Variants in OR51B5 observed in about 807,000 individuals in gnomAD.
OR51B5 encodes the protein olfactory receptor 51B5.
For synonymous variants in OR51B5, 186 were observed against 144.8 expected (o/e 1.28, Z -2.04); for missense variants, 456 against 374.6 (o/e 1.22, Z -1.79).
chr11:5,409,508 TAA>T lies in OR51B5; in HGVS notation n.85-62600_85-62599del, dbSNP rs5789399. Among the ~76,000 whole-genome samples the T allele has an allele frequency of 3.3e-5, 5 of 151,840 alleles. No homozygotes were observed. In the South Asian group the frequency reaches 1.0e-3, roughly 32 times the overall value. On this transcript the variant is annotated intron_variant and non_coding_transcript_variant, in intron 1 of 4. Coordinates refer to the OR51B5 transcript ENST00000415970. The stretch of plus-strand genomic sequence containing the variant: ...AATAATTCAATGCAAATTCTAGAAC[TAA>T]AAAAAAATCTATCAAAATAAATGCA...
chr11:5,443,040 G>A (rs890401052), intron 1 of OR51B5, among the ~76,000 whole-genome samples: 1 of 151,738 alleles, frequency 6.6e-6, no homozygotes, highest in Non-Finnish European at 1.5e-5. Context: ...CTAACTTCAG[G>A]CAAAATAAAC....
At chr11:5,373,823 C>G (rs978302431) in intron 1 of OR51B5, among the ~76,000 whole-genome samples, 3 of 152,198 alleles carry the variant, frequency 2.0e-5, no homozygotes, top group African/African-American at 7.2e-5. Flanking sequence ...ACAAAGCAGC[C>G]AGGAAGCTCA....
intron 1 of OR51B5, chr11:5,440,655 G>T: frequency 6.2e-7 from 1 of 1,613,860 alleles, no homozygotes; most frequent in East Asian, 2.2e-5. Flanking sequence ...GTTGAGCATG[G>T]GTGGTACAAA....
At chr11:5,453,894 CT>C in intron 1 of OR51B5, 2 of 1,614,228 alleles carry the variant, frequency 1.2e-6, no homozygotes. Context: ...TGCAACTGTG[CT>C]CACCACTGAA....
At chr11:5,493,214 T>C (rs1000788707) in intron 1 of OR51B5, among the ~76,000 whole-genome samples, 2 of 152,160 alleles carry the variant, frequency 1.3e-5, no homozygotes, top group Non-Finnish European at 2.9e-5. Flanking sequence ...ATATGTATAA[T>C]TAGTCCACCC....
At chr11:5,377,948 T>C (rs1352903518) in intron 1 of OR51B5, among the ~76,000 whole-genome samples, 1 of 152,100 alleles carries the variant, frequency 6.6e-6, no homozygotes, top group Admixed American at 6.5e-5. Context: ...CTTCACAGAA[T>C]TGGAAAAACG....
chr11:5,424,356 AAAAC>A lies in OR51B5; in HGVS notation n.85-77450_85-77447del, dbSNP rs575954424. ...AAGGGAAAACAAAACAAACAAACAA[AAAAC>A]AAACAAACAAACAAAAAAACACCTT... On this transcript the variant is annotated intron_variant and non_coding_transcript_variant, in intron 1 of 4. Transcript: ENST00000415970. Among the ~76,000 whole-genome samples the A allele has an allele frequency of 3.3e-3, 495 of 150,966 alleles. 4 individuals carry two copies. The highest frequency in any genetic ancestry group is 0.016 in the South Asian group (73 of 4,684).
chr11:5,423,318 C>T, intron 1 of OR51B5: 1 of 751,062 alleles, frequency 1.3e-6, no homozygotes, highest in Admixed American at 3.1e-5. Flanking sequence ...GAGCTAGCAG[C>T]AGTGATTCTA....
intron 1 of OR51B5, among the ~76,000 whole-genome samples, chr11:5,377,281 C>T (rs1300179524): frequency 6.6e-6 from 1 of 152,158 alleles, no homozygotes; most frequent in African/African-American, 2.4e-5. Context: ...TAAAAACTTT[C>T]AATAAATTAG....
intron 1 of OR51B5, among the ~76,000 whole-genome samples, chr11:5,464,481 C>T (rs937017428): frequency 1.4e-5 from 2 of 142,402 alleles, no homozygotes; most frequent in South Asian, 4.9e-4. Context: ...ATTCCCCTTC[C>T]TGTGTCCATG....
chr11:5,342,125 A>G (rs767856772), downstream of OR51B5, among the ~76,000 whole-genome samples: 5 of 152,056 alleles, frequency 3.3e-5, no homozygotes, highest in Non-Finnish European at 7.3e-5. Context: ...GACCAAATTT[A>G]TAGGTTCCCA....
chr11:5,375,940 A>T (rs377194469), intron 1 of OR51B5, among the ~76,000 whole-genome samples: 35,614 of 151,440 alleles, frequency 0.24, 4,437 homozygotes, highest in Non-Finnish European at 0.26. Flanking sequence ...GGAATTGAAC[A>T]CAGCTCTGCA....
At chr11:5,460,469 G>A (rs758915290) in intron 1 of OR51B5, among the ~76,000 whole-genome samples, 1 of 17,506 alleles carries the variant, frequency 5.7e-5, no homozygotes, top group African/African-American at 1.7e-4. Flanking sequence ...AAATGGCTGT[G>A]TCATCTTTCA....
exon 1 of OR51B5, chr11:5,343,180 G>T: frequency 6.2e-7 from 1 of 1,613,856 alleles, no homozygotes; most frequent in Non-Finnish European, 8.5e-7. Context: ...CATAGGCCAT[G>T]GCAAGCAGAA....
intron 1 of OR51B5, among the ~76,000 whole-genome samples, chr11:5,492,999 A>G (rs1286939453): frequency 6.6e-6 from 1 of 152,156 alleles, no homozygotes; most frequent in African/African-American, 2.4e-5. Context: ...ATCTGGAAAC[A>G]TGTTTAACAT....
intron 1 of OR51B5, among the ~76,000 whole-genome samples, chr11:5,397,441 C>T (rs1392083017): frequency 6.6e-6 from 1 of 151,948 alleles, no homozygotes; most frequent in African/African-American, 2.4e-5. Context: ...CCAAAAGACA[C>T]ATGAAAAAAT....
chr11:5,453,971 T>C, intron 1 of OR51B5: 1 of 1,614,088 alleles, frequency 6.2e-7, no homozygotes, highest in Non-Finnish European at 8.5e-7. Context: ...CTCTTCCCTT[T>C]CTTATTAAGA....
At chr11:5,478,978 A>T (rs1341970154) in intron 1 of OR51B5, among the ~76,000 whole-genome samples, 1 of 152,022 alleles carries the variant, frequency 6.6e-6, no homozygotes, top group Non-Finnish European at 1.5e-5. Flanking sequence ...CTAGCAAGGC[A>T]GGTCAACGTT....
chr11:5,473,358 T>C lies in OR51B5; in HGVS notation n.84+32211A>G, dbSNP rs150878508. 6.7e-3 allele frequency among the ~76,000 whole-genome samples: 1,023 copies of C among 152,302 alleles called. 13 individuals carry two copies. Among genetic ancestry groups the C allele is most frequent in the African/African-American group, 0.023 (973 of 41,550 alleles). ...GATGTCGGGGCCATCTTGTATCACA[T>C]TCAACCTTTCATAATGAAGAAATGA... On this transcript the variant is annotated intron_variant and non_coding_transcript_variant, in intron 1 of 4. Transcript: ENST00000415970.
Sources: gnomAD v4.1 joint callset for allele counts (sites outside exome capture counted in the v4.1 genomes callset) on GRCh38, gnomAD v4.1.1 for gene constraint, MANE v1.5 for transcripts, NCBI Gene and HGNC (gene_info 2026-07-23, HGNC 2026-07-21) for gene names.